Variants in SCFD2 observed in about 807,000 individuals in gnomAD.
The protein encoded by SCFD2 is sec1 family domain-containing protein 2.
In SCFD2, 54 loss-of-function variants were observed where a neutral mutation model predicts 58.9. That is an observed-to-expected ratio of 0.92 (90% CI 0.74 to 1.15). The LOEUF is 1.15. SCFD2 is among the 50% of genes most tolerant of loss of function. The probability of loss-of-function intolerance (pLI) is 0.00; values close to 1 mark genes in which losing one functional copy is unlikely to be tolerated. For synonymous variants in SCFD2, 321 were observed against 335.9 expected (o/e 0.96, Z 0.49); for missense variants, 805 against 836.6 (o/e 0.96, Z 0.47).
chr4:53,030,189 G>A (rs1252042119), intron 5 of SCFD2, among the ~76,000 whole-genome samples: 1 of 152,064 alleles, frequency 6.6e-6, no homozygotes. Flanking sequence ...TACCTAAGAA[G>A]ATATATGAAT....
intron 5 of SCFD2, among the ~76,000 whole-genome samples, chr4:52,983,170 G>A (rs1332344064): frequency 6.6e-6 from 1 of 152,142 alleles, no homozygotes; most frequent in Non-Finnish European, 1.5e-5. Flanking sequence ...AAGGAACAGA[G>A]GGGCACGATA....
chr4:52,974,435 A>C (rs907869730), intron 5 of SCFD2, among the ~76,000 whole-genome samples: 3 of 152,226 alleles, frequency 2.0e-5, no homozygotes, highest in Non-Finnish European at 4.4e-5. Flanking sequence ...TTCAAAGAGA[A>C]TAAAATACCT....
At chr4:53,318,140 T>C (rs1338343948) in intron 2 of SCFD2, among the ~76,000 whole-genome samples, 1 of 152,216 alleles carries the variant, frequency 6.6e-6, no homozygotes, top group Non-Finnish European at 1.5e-5. Context: ...AATCTCCTTA[T>C]ATATGACAAG....
rs543368390 is a variant in SCFD2 at position 53,303,601 on chromosome 4, T to G, written c.1135+10035A>C. On this transcript the variant is annotated intron_variant, in intron 3 of 8. Transcript: ENST00000401642. ...ATTTGACCCAGCCATCCCATTACTGTGTATATACCCAAAGGATTAGAAATC... is the reference window on the plus strand; with the variant it reads ...ATTTGACCCAGCCATCCCATTACTGGGTATATACCCAAAGGATTAGAAATC... Among the ~76,000 whole-genome samples the G allele has an allele frequency of 2.5e-3, 375 of 152,174 alleles. 1 individual carries two copies. Among genetic ancestry groups the G allele is most frequent in the African/African-American group, 8.6e-3 (357 of 41,508 alleles).
intron 5 of SCFD2, among the ~76,000 whole-genome samples, chr4:52,971,966 T>G (rs1400738413): frequency 6.6e-6 from 1 of 152,130 alleles, no homozygotes; most frequent in Non-Finnish European, 1.5e-5. Context: ...AAGCAAATGC[T>G]GAGAGATTTT....
chr4:53,222,148 G>C (rs572812513), intron 4 of SCFD2, among the ~76,000 whole-genome samples: 2 of 151,902 alleles, frequency 1.3e-5, no homozygotes, highest in African/African-American at 2.4e-5. Context: ...CTTTTCACCC[G>C]CCCACCCTCA....
At chr4:53,015,012 T>G (rs1428688463) in intron 5 of SCFD2, among the ~76,000 whole-genome samples, 1 of 152,196 alleles carries the variant, frequency 6.6e-6, no homozygotes, top group African/African-American at 2.4e-5. Flanking sequence ...AGCAGTTGTT[T>G]TGAATAAAAA....
At chr4:53,311,339 G>A (rs1732683820) in intron 3 of SCFD2, among the ~76,000 whole-genome samples, 1 of 151,600 alleles carries the variant, frequency 6.6e-6, no homozygotes, top group Non-Finnish European at 1.5e-5. Flanking sequence ...CTAGAGTTGT[G>A]GAATAAAGCA....
At chr4:53,156,210 C>A (rs1417759251) in intron 4 of SCFD2, among the ~76,000 whole-genome samples, 2 of 151,688 alleles carry the variant, frequency 1.3e-5, no homozygotes, top group Non-Finnish European at 2.9e-5. Context: ...AGCAGCCTGG[C>A]CAATATGGTG....
chr4:53,157,468 G>T (rs1726725192), intron 4 of SCFD2, among the ~76,000 whole-genome samples: 1 of 152,152 alleles, frequency 6.6e-6, no homozygotes, highest in Non-Finnish European at 1.5e-5. Context: ...CTGTATGTCT[G>T]CATGAGGCTT....
intron 4 of SCFD2, among the ~76,000 whole-genome samples, chr4:53,197,309 A>G (rs189314764): frequency 6.6e-6 from 1 of 152,230 alleles, no homozygotes; most frequent in East Asian, 1.9e-4. Flanking sequence ...CTTGTCCCCA[A>G]TCATCTGTTA....
intron 4 of SCFD2, among the ~76,000 whole-genome samples, chr4:53,151,096 A>G (rs1477046010): frequency 2.0e-5 from 3 of 152,174 alleles, no homozygotes; most frequent in Admixed American, 2.0e-4. Flanking sequence ...TAGACCTTCT[A>G]AGAAGAGGAA....
In SCFD2 at chr4:52,907,620, G is replaced by A. The variant is rs376450791; in HGVS notation, c.1708-29C>T. ...GAAAGACAAAATACTATGAGTAAAG[G>A]GATTGTTTGGTTTGTCTGGAGAGAG... On this transcript the variant is annotated intron_variant, in intron 6 of 8. Coordinates refer to ENST00000401642, the MANE Select transcript of SCFD2 (RefSeq NM_152540.4). 6.5e-5 allele frequency: 105 copies of A among 1,611,694 alleles called. No individual in the cohort carries two copies. In the African/African-American group the frequency reaches 1.1e-3, roughly 17 times the overall value.
chr4:53,262,280 T>G (rs1730852298), intron 4 of SCFD2, among the ~76,000 whole-genome samples: 1 of 152,206 alleles, frequency 6.6e-6, no homozygotes, highest in African/African-American at 2.4e-5. Flanking sequence ...TCAGGTACTA[T>G]TCTATCCATC....
intron 4 of SCFD2, among the ~76,000 whole-genome samples, chr4:53,249,416 G>A (rs1730260882): frequency 6.6e-6 from 1 of 152,212 alleles, no homozygotes; most frequent in African/African-American, 2.4e-5. Flanking sequence ...CCCCAATCTA[G>A]CAAGGCAGGC....
intron 8 of SCFD2, among the ~76,000 whole-genome samples, chr4:52,883,977 C>A (rs531606882): frequency 1.8e-4 from 27 of 152,270 alleles, no homozygotes; most frequent in Middle Eastern, 3.4e-3. Flanking sequence ...CAGCAGGGAC[C>A]AGACCTTCTT....
intron 5 of SCFD2, among the ~76,000 whole-genome samples, chr4:52,960,659 G>A (rs1331398599): frequency 1.3e-5 from 2 of 151,868 alleles, no homozygotes; most frequent in African/African-American, 4.8e-5. Context: ...GTGAGCCACC[G>A]TGCCTGGCCA....
intron 4 of SCFD2, among the ~76,000 whole-genome samples, chr4:53,241,724 C>G (rs896252451): frequency 6.6e-6 from 1 of 152,210 alleles, no homozygotes; most frequent in African/African-American, 2.4e-5. Context: ...CCCTGTCATG[C>G]CACTGCTGCC....
At chr4:53,272,785 C>T (rs1476580885) in intron 4 of SCFD2, among the ~76,000 whole-genome samples, 2 of 151,942 alleles carry the variant, frequency 1.3e-5, no homozygotes, top group East Asian at 1.9e-4. Context: ...AGCACATCAA[C>T]GTGGCACATG....
Sources: allele counts gnomAD v4.1 joint callset (sites outside exome capture counted in the v4.1 genomes callset), GRCh38; gene constraint gnomAD v4.1.1; transcripts MANE v1.5; gene names NCBI Gene and HGNC (gene_info 2026-07-23, HGNC 2026-07-21).